Variants in SYNE2 observed in about 807,000 individuals in gnomAD.
The protein encoded by SYNE2 is spectrin repeat containing nuclear envelope protein 2, also known as nesprin-2.
Under a neutral mutation model 856.3 loss-of-function variants are expected in SYNE2, and 431 were observed. The ratio of observed to expected loss-of-function variants is 0.50; its 90% CI spans 0.47 to 0.55. The LOEUF (loss-of-function observed/expected upper bound fraction) is 0.55, where lower values mean the gene tolerates loss of function less well. Ranked by LOEUF, SYNE2 falls within the 20% of genes least tolerant of loss-of-function variation. The pLI, the probability that SYNE2 is intolerant of heterozygous loss-of-function variation, is 0.00. For missense variants in SYNE2, 8,129 were observed against 8,023.2 expected (o/e 1.01, Z -0.50); for synonymous variants, 2,923 against 2,872.3 (o/e 1.02, Z -0.56).
intron 80 of SYNE2, among the ~76,000 whole-genome samples, 197 bp downstream of exon 80, chr14:64,140,270 A>G (rs931074037): frequency 4.6e-5 from 7 of 152,342 alleles, no homozygotes; most frequent in Admixed American, 6.5e-5. Flanking sequence ...TTTTTAATTG[A>G]CCCCATAAAA....
chr14:64,095,547 T>G (rs968670556), intron 61 of SYNE2, among the ~76,000 whole-genome samples: 1 of 152,294 alleles, frequency 6.6e-6, no homozygotes, highest in Non-Finnish European at 1.5e-5. Context: ...CACTTATCTC[T>G]TCAGAAAAAA....
Position 64,021,896 on chromosome 14 carries a change from A to G in SYNE2, c.5392A>G (p.Ile1798Val), listed in dbSNP as rs751551531. ...QQILQQKHSM[I>V]LLENQIGCLT... is the part of the protein sequence containing the mutation. Reference sequence around the variant, plus strand: ...GATTCTACAGCAAAAACACAGTATGATATTACTTGAGAATCAAATAGGTTG... The same window carrying G: ...GATTCTACAGCAAAAACACAGTATGGTATTACTTGAGAATCAAATAGGTTG... The change falls in exon 37 of 116, where the codon ATA becomes GTA. Residue 1798 changes from isoleucine (I) to valine (V), a missense_variant. By Grantham distance (29) the Ile-to-Val change is conservative (BLOSUM62 3). Coordinates refer to ENST00000555002, the MANE Select transcript of SYNE2 (RefSeq NM_182914.3). 6.2e-7 allele frequency: 1 copy of G among 1,614,012 alleles called. No homozygotes were observed. The highest frequency in any genetic ancestry group is 8.5e-7 in the Non-Finnish European group (1 of 1,179,952).
intron 1 of SYNE2, among the ~76,000 whole-genome samples, chr14:63,877,027 G>A (rs938873653): frequency 6.6e-6 from 1 of 152,182 alleles, no homozygotes; most frequent in Non-Finnish European, 1.5e-5. Flanking sequence ...CTCTAAGGAT[G>A]AAAGGATGAG....
At chr14:64,070,266 T>G (rs956813658) in intron 51 of SYNE2, among the ~76,000 whole-genome samples, 1 of 152,226 alleles carries the variant, frequency 6.6e-6, no homozygotes, top group Admixed American at 6.5e-5. Flanking sequence ...AGAAAAATTT[T>G]CCATATCCAA....
chr14:64,172,037 G>A (rs947372303), intron 94 of SYNE2, among the ~76,000 whole-genome samples: 2 of 152,102 alleles, frequency 1.3e-5, no homozygotes, highest in African/African-American at 4.8e-5. Context: ...TTTTAGTAGA[G>A]ACAAGGTTTC....
chr14:64,204,971 C>T (rs559352811), intron 100 of SYNE2, among the ~76,000 whole-genome samples: 25 of 152,256 alleles, frequency 1.6e-4, no homozygotes, highest in Admixed American at 1.2e-3. Context: ...GGCTCACATG[C>T]GCCTTCTTCT....
At chr14:63,814,640 ATATAT>A (rs1595136395) in intron 1 of SYNE2, among the ~76,000 whole-genome samples, 1 of 132,672 alleles carries the variant, frequency 7.5e-6, no homozygotes, top group South Asian at 2.4e-4. Flanking sequence ...TTATATATCC[ATATAT>A]TATATATAAT....
chr14:63,946,442 A>T (rs1254788853), intron 6 of SYNE2, among the ~76,000 whole-genome samples: 2 of 151,458 alleles, frequency 1.3e-5, no homozygotes, highest in African/African-American at 2.4e-5. Flanking sequence ...AAACATACAC[A>T]TACACATATA....
intron 11 of SYNE2, among the ~76,000 whole-genome samples, chr14:63,974,892 G>GTGTATATA (rs1375697679): frequency 2.5e-4 from 17 of 67,322 alleles, no homozygotes; most frequent in East Asian, 4.6e-4. Flanking sequence ...GTGTGTGTGT[G>GTGTATATA]TATATATATA....
chr14:63,776,469 A>G (rs1028128820), intron 1 of SYNE2, among the ~76,000 whole-genome samples: 3 of 152,204 alleles, frequency 2.0e-5, no homozygotes, highest in Non-Finnish European at 4.4e-5. Context: ...GTTTTGCATT[A>G]TAGATCCTTG....
At chr14:64,000,499 GA>G in intron 27 of SYNE2, 62 bp from the exon 28 acceptor site, 1 of 1,447,030 alleles carries the variant, frequency 6.9e-7, no homozygotes. Context: ...CATGTTTTAA[GA>G]ACAGAATAAT....
intron 10 of SYNE2, among the ~76,000 whole-genome samples, chr14:63,965,900 A>C (rs920773233): frequency 6.6e-6 from 1 of 152,202 alleles, no homozygotes; most frequent in African/African-American, 2.4e-5. Context: ...CTGAAAGTGT[A>C]TTGTTCTCAC....
At chr14:64,038,483 A>T (rs1488843150) in intron 45 of SYNE2, among the ~76,000 whole-genome samples, 1 of 152,158 alleles carries the variant, frequency 6.6e-6, no homozygotes, top group Admixed American at 6.5e-5. Context: ...TGGGAGGCCA[A>T]GGCAGGCGGC....
At chr14:63,843,207 T>C (rs1486630632) in intron 1 of SYNE2, among the ~76,000 whole-genome samples, 1 of 151,756 alleles carries the variant, frequency 6.6e-6, no homozygotes, top group Non-Finnish European at 1.5e-5. Flanking sequence ...AGGCTAATTT[T>C]TATGCCCGTG....
intron 93 of SYNE2, 34 bp downstream of exon 93, chr14:64,169,005 G>A (rs184665132): frequency 1.1e-4 from 173 of 1,535,760 alleles, no homozygotes; most frequent in Non-Finnish European, 1.4e-4. Context: ...GGTTGTGGGC[G>A]GATGGAAGGT....
chr14:63,972,326 C>T (rs2096485952), intron 11 of SYNE2, among the ~76,000 whole-genome samples: 1 of 151,936 alleles, frequency 6.6e-6, no homozygotes, highest in Non-Finnish European at 1.5e-5. Context: ...GGAAAAATTG[C>T]CCAAATAATG....
At chr14:63,779,384 T>C (rs144099750) in intron 1 of SYNE2, among the ~76,000 whole-genome samples, 198 of 140,892 alleles carry the variant, frequency 1.4e-3, no homozygotes, top group Middle Eastern at 4.1e-3. Flanking sequence ...ATTTCCACTT[T>C]AAGAAGCTAG....
At chr14:64,167,140 A>G in intron 90 of SYNE2, 93 bp from the exon 91 acceptor site, 2 of 1,541,730 alleles carry the variant, frequency 1.3e-6, no homozygotes, top group East Asian at 2.3e-5. Context: ...TTCAGGCCCC[A>G]GTTTTCCTTT....
At chr14:64,183,900 A>C (rs1271028) in intron 96 of SYNE2, among the ~76,000 whole-genome samples, 9,413 of 142,268 alleles carry the variant, frequency 0.066, 533 homozygotes, top group East Asian at 0.36. Context: ...TCAGAGGGAG[A>C]CCGTGGAAAG....
Sources: gnomAD v4.1 joint callset for allele counts (sites outside exome capture counted in the v4.1 genomes callset) on GRCh38, gnomAD v4.1.1 for gene constraint, MANE v1.5 for transcripts, NCBI Gene and HGNC (gene_info 2026-07-23, HGNC 2026-07-21) for gene names.